The following SH3BP5 variants were observed in gnomAD, a reference collection of about 807,000 sequenced individuals.
SH3BP5 encodes the protein SH3 domain-binding protein 5.
In SH3BP5, 22 loss-of-function variants were observed where a neutral mutation model predicts 43.3. The ratio of observed to expected loss-of-function variants is 0.51; its 90% CI spans 0.36 to 0.73. The LOEUF is 0.73. SH3BP5 is among the 30% of genes least tolerant of loss of function. The probability of loss-of-function intolerance (pLI) is 0.00; values close to 1 mark genes in which losing one functional copy is unlikely to be tolerated. For missense variants in SH3BP5, 529 were observed against 586.9 expected, an observed-to-expected ratio of 0.90 and a Z score of 1.02; for synonymous variants, 255 against 225.8, an observed-to-expected ratio of 1.13 and a Z score of -1.16.
chr3:15,300,601 TCA>T (rs1697711982), intron 3 of SH3BP5, among the ~76,000 whole-genome samples: 1 of 152,034 alleles, frequency 6.6e-6, no homozygotes, highest in Admixed American at 6.6e-5. Context: ...AGAGGAACAT[TCA>T]CACACAAACA....
At chr3:15,286,622 C>T (rs759064431) in intron 3 of SH3BP5, among the ~76,000 whole-genome samples, 41 of 152,178 alleles carry the variant, frequency 2.7e-4, no homozygotes, top group Non-Finnish European at 4.4e-4. Flanking sequence ...GGCACAATCA[C>T]GGCTCAGTGC....
intron 3 of SH3BP5, among the ~76,000 whole-genome samples, chr3:15,279,077 G>T (rs771490004): frequency 6.6e-6 from 1 of 152,166 alleles, no homozygotes; most frequent in Non-Finnish European, 1.5e-5. Context: ...GGCTGAGGCA[G>T]TAGAATCATT....
chr3:15,260,041 A>T, intron 5 of SH3BP5: 1 of 559,760 alleles, frequency 1.8e-6, no homozygotes, highest in East Asian at 3.1e-5. Flanking sequence ...ATCTCAAGAC[A>T]CGGGGAACCC....
Position 15,255,013 on chromosome 3 carries a change from A to C in SH3BP5, c.*1073T>G, listed in dbSNP as rs918246521. 1 of 152,496 alleles carries C rather than the reference A, an allele frequency of 6.6e-6. No individual in the cohort carries two copies. The highest frequency in any genetic ancestry group is 1.5e-5 in the Non-Finnish European group (1 of 68,044). 9.4% of individuals were successfully genotyped at this position (152,496 alleles called of 1,614,324 possible). On this transcript the variant is annotated 3_prime_UTR_variant, in exon 9 of 9. Transcript: ENST00000383791. ...TGTGACAGAATTAACAGTTTGAAAG[A>C]GGGTTGCTTTTTTCTTTTAGAAATG... is the stretch of plus-strand genomic sequence containing the variant.
Position 15,256,357 on chromosome 3 carries a change from C to G in SH3BP5, c.1151-54G>C, listed in dbSNP as rs1018237058. On this transcript the variant is annotated intron_variant, in intron 8 of 8. Coordinates refer to ENST00000383791, the MANE Select transcript of SH3BP5 (RefSeq NM_004844.5). ...GAGTATTGACAATTCTGCCCTGTCT[C>G]CTATAGAAATACAAAGATTATCAAA... is the stretch of plus-strand genomic sequence containing the variant. 8 of 1,537,226 alleles carry G rather than the reference C, an allele frequency of 5.2e-6. No individual in the cohort carries two copies. The African/African-American group carries it at 8.3e-5, about 16-fold the overall frequency.
chr3:15,262,188 C>T lies in SH3BP5; in HGVS notation c.597G>A (p.Lys199=). ...AAMGRMRQLE[K]KLKRAINKSK... ...ACTTGTTGATGGCTCTCTTGAGTTT[C>T]TTCTCCAGCTGTCGCATGCGGCCCA... The change falls in exon 5 of 9, where the codon AAG becomes AAA. Residue 199 remains lysine (K), a synonymous_variant. Transcript: ENST00000383791. 1 of 1,614,142 alleles carries T rather than the reference C, an allele frequency of 6.2e-7. No individual in the cohort carries two copies. Among genetic ancestry groups the T allele is most frequent in the African/African-American group, 1.3e-5 (1 of 75,024 alleles).
At chr3:15,285,587 G>C (rs1452881853) in intron 3 of SH3BP5, among the ~76,000 whole-genome samples, 1 of 152,220 alleles carries the variant, frequency 6.6e-6, no homozygotes, top group Non-Finnish European at 1.5e-5. Flanking sequence ...CCAACGCCAT[G>C]AACATATCAG....
intron 2 of SH3BP5, among the ~76,000 whole-genome samples, chr3:15,317,457 G>C (rs1698212621): frequency 1.3e-5 from 2 of 152,190 alleles, no homozygotes; most frequent in Admixed American, 6.5e-5. Flanking sequence ...GTCAATGGCT[G>C]TAACTTTAGA....
chr3:15,273,559 A>C (rs1696877414), intron 3 of SH3BP5, among the ~76,000 whole-genome samples: 1 of 152,248 alleles, frequency 6.6e-6, no homozygotes, highest in Non-Finnish European at 1.5e-5. Context: ...AGGTACAACT[A>C]ATGTGAGGCC....
chr3:15,258,524 TTACAGCTCTTCTTTCC>T (rs1696309052), intron 7 of SH3BP5: 2 of 414,984 alleles, frequency 4.8e-6, no homozygotes, highest in African/African-American at 4.0e-5. Flanking sequence ...TCAAATCTGA[TTACAGCTCTTCTTTCC>T]TGCAGGACTT....
At chr3:15,324,611 A>G (rs1698414060) in intron 2 of SH3BP5, among the ~76,000 whole-genome samples, 1 of 152,164 alleles carries the variant, frequency 6.6e-6, no homozygotes, top group Non-Finnish European at 1.5e-5. Flanking sequence ...TATGCTTCAA[A>G]CATTCCCTAG....
At chr3:15,339,920 A>G (rs1239817238) in intron 1 of SH3BP5, 4 of 152,216 alleles carry the variant, frequency 2.6e-5, no homozygotes, top group South Asian at 2.1e-4. Context: ...AAAGGGGGGA[A>G]AAAGAAGAAA....
At chr3:15,324,299 G>C (rs1462135906) in intron 2 of SH3BP5, among the ~76,000 whole-genome samples, 2 of 152,310 alleles carry the variant, frequency 1.3e-5, no homozygotes, top group East Asian at 1.9e-4. Flanking sequence ...AAAGGGCCCT[G>C]AGTGACTCTC....
intron 4 of SH3BP5, 129 bp from the exon 5 acceptor site, chr3:15,262,418 G>C (rs1376010219): frequency 8.7e-7 from 1 of 1,150,040 alleles, no homozygotes; most frequent in Non-Finnish European, 1.2e-6. Flanking sequence ...CCAGCACTTT[G>C]GGAGGCCAAG....
upstream of SH3BP5, among the ~76,000 whole-genome samples, chr3:15,333,939 G>T (rs78888182): frequency 6.6e-6 from 1 of 152,322 alleles, no homozygotes; most frequent in African/African-American, 2.4e-5. Context: ...AGCCATAGGG[G>T]TCACTTTGGA....
intron 2 of SH3BP5, among the ~76,000 whole-genome samples, chr3:15,328,502 G>A (rs548612621): frequency 3.3e-5 from 5 of 152,272 alleles, no homozygotes; most frequent in South Asian, 2.1e-4. Flanking sequence ...GCCAAGGTGG[G>A]AGGATCACTT....
intron 5 of SH3BP5, among the ~76,000 whole-genome samples, chr3:15,261,589 A>G (rs1230466604): frequency 6.6e-6 from 1 of 151,980 alleles, no homozygotes; most frequent in Non-Finnish European, 1.5e-5. Context: ...AGGCCTAGCA[A>G]TTGGGAATGA....
chr3:15,258,810 C>G, intron 7 of SH3BP5, 21 bp downstream of exon 7: 1 of 1,588,690 alleles, frequency 6.3e-7, no homozygotes, highest in Non-Finnish European at 8.6e-7. Flanking sequence ...CCCCACATAC[C>G]CAGTGGAGCC....
At chr3:15,305,165 T>C (rs1191825268) in intron 2 of SH3BP5, among the ~76,000 whole-genome samples, 2 of 152,112 alleles carry the variant, frequency 1.3e-5, no homozygotes, top group Non-Finnish European at 1.5e-5. Flanking sequence ...TTAATTAACA[T>C]GGCTAGCAAC....
Sources: gnomAD v4.1 joint callset for allele counts (sites outside exome capture counted in the v4.1 genomes callset) on GRCh38, gnomAD v4.1.1 for gene constraint, MANE v1.5 for transcripts, NCBI Gene and HGNC (gene_info 2026-07-23, HGNC 2026-07-21) for gene names.